Variants in STPG2 observed in about 807,000 individuals in gnomAD.
STPG2 encodes sperm-tail PG-rich repeat-containing protein 2.
In STPG2, 56 loss-of-function variants were observed where a neutral mutation model predicts 54.2. The ratio of observed to expected loss-of-function variants is 1.03; its 90% CI spans 0.83 to 1.29. The LOEUF is 1.29. Ranked by LOEUF, STPG2 falls within the 50% of genes most tolerant of loss-of-function variation. The pLI is 0.00. For missense variants in STPG2, 596 were observed against 544.9 expected (o/e 1.09, Z -0.93); for synonymous variants, 200 against 181.8 (o/e 1.10, Z -0.81).
intron 4 of STPG2, among the ~76,000 whole-genome samples, chr4:97,498,141 G>T (rs913236040): frequency 1.3e-5 from 2 of 151,896 alleles, no homozygotes; most frequent in Non-Finnish European, 2.9e-5. Flanking sequence ...TTTCAAGAAA[G>T]AAAAACATAG....
chr4:97,612,511 C>G (rs1187495347), intron 10 of STPG2, among the ~76,000 whole-genome samples: 2 of 152,094 alleles, frequency 1.3e-5, no homozygotes, highest in Admixed American at 1.3e-4. Context: ...TTGGTGTCCT[C>G]TCTCTTCAGC....
At chr4:97,956,108 A>C (rs1733661998) in intron 7 of STPG2, among the ~76,000 whole-genome samples, 1 of 152,154 alleles carries the variant, frequency 6.6e-6, no homozygotes, top group East Asian at 1.9e-4. Context: ...AAAAAACTTA[A>C]AATATGTAGA....
chr4:98,006,949 A>C (rs1455395979), intron 5 of STPG2, among the ~76,000 whole-genome samples: 1 of 152,098 alleles, frequency 6.6e-6, no homozygotes. Context: ...GTCCTCACCT[A>C]GGCTTATCTC....
At chr4:97,939,411 T>G (rs944648284) in intron 8 of STPG2, among the ~76,000 whole-genome samples, 4 of 152,172 alleles carry the variant, frequency 2.6e-5, no homozygotes, top group Non-Finnish European at 5.9e-5. Context: ...AGTGGGGTGT[T>G]GAAGTCTTAT....
intron 9 of STPG2, among the ~76,000 whole-genome samples, chr4:97,761,322 C>T (rs1725881878): frequency 6.6e-6 from 1 of 151,922 alleles, no homozygotes. Flanking sequence ...TAAAAGAAGA[C>T]ACAGAGAAAG....
At chr4:97,847,422 G>A (rs1296754217) in intron 8 of STPG2, among the ~76,000 whole-genome samples, 2 of 152,048 alleles carry the variant, frequency 1.3e-5, no homozygotes, top group African/African-American at 2.4e-5. Flanking sequence ...ATTGTAAGTA[G>A]TATGTAAAAA....
At chr4:98,139,632 T>C (rs1191500203) in intron 1 of STPG2, among the ~76,000 whole-genome samples, 1 of 150,526 alleles carries the variant, frequency 6.6e-6, no homozygotes, top group Non-Finnish European at 1.5e-5. Flanking sequence ...ACTAAAGAGA[T>C]ACCTGTTCCT....
intron 10 of STPG2, among the ~76,000 whole-genome samples, chr4:97,701,035 C>T (rs903706092): frequency 6.6e-6 from 1 of 152,168 alleles, no homozygotes. Context: ...GGAATCACCA[C>T]CCCTGCATCT....
chr4:97,706,388 T>C (rs1723942476), intron 10 of STPG2, among the ~76,000 whole-genome samples: 1 of 152,176 alleles, frequency 6.6e-6, no homozygotes, highest in Non-Finnish European at 1.5e-5. Context: ...AGAGCCCTCG[T>C]GAATGGAATT....
chr4:97,929,789 G>A (rs1578701692), intron 8 of STPG2, among the ~76,000 whole-genome samples: 1 of 152,082 alleles, frequency 6.6e-6, no homozygotes, highest in East Asian at 1.9e-4. Context: ...TTTGTCAGAC[G>A]GGTAGATTGC....
chr4:97,846,326 A>G (rs920683916), intron 8 of STPG2, among the ~76,000 whole-genome samples: 2 of 152,054 alleles, frequency 1.3e-5, no homozygotes, highest in South Asian at 2.1e-4. Flanking sequence ...CAGACTCTCA[A>G]TCAAAAAACC....
At chr4:97,586,872 G>A (rs914354162) in intron 10 of STPG2, among the ~76,000 whole-genome samples, 7 of 151,838 alleles carry the variant, frequency 4.6e-5, no homozygotes, top group Non-Finnish European at 8.8e-5. Context: ...TTGGAGCATC[G>A]GCAAGGAAGA....
intron 8 of STPG2, among the ~76,000 whole-genome samples, chr4:97,917,740 A>C (rs1265608427): frequency 6.6e-6 from 1 of 152,162 alleles, no homozygotes; most frequent in South Asian, 2.1e-4. Flanking sequence ...AGCACACTAA[A>C]ATAGGTGCAG....
At position 98,143,141 on chromosome 4, in the gene STPG2, G is replaced by A. The variant is rs199501880; in HGVS notation, c.10C>T (p.Arg4Trp). 1.2e-5 allele frequency: 19 copies of A among 1,613,064 alleles called. No homozygotes were observed. The highest frequency in any genetic ancestry group is 1.6e-5 in the Non-Finnish European group (19 of 1,179,492). ...GCCAATTTGAGCAGGCGGGGAGCCCGATCATACATAGTGCTCGGGGTGGTG... is the reference window on the plus strand; with the variant it reads ...GCCAATTTGAGCAGGCGGGGAGCCCAATCATACATAGTGCTCGGGGTGGTG... MYD[R>W]APRLLKLAEG... The change falls in exon 1 of 11, where the codon CGG (arginine) becomes TGG (tryptophan). Residue 4 changes from arginine (R) to tryptophan (W), a missense_variant. Physicochemically the swap from Arg to Trp is moderately radical, Grantham distance 101. Coordinates refer to ENST00000295268, the MANE Select transcript of STPG2 (RefSeq NM_174952.3).
intron 9 of STPG2, among the ~76,000 whole-genome samples, chr4:97,716,084 GA>G (rs1724278512): frequency 6.6e-6 from 1 of 152,032 alleles, no homozygotes; most frequent in African/African-American, 2.4e-5. Context: ...ACAAACATAT[GA>G]AAAAAAGCTC....
At chr4:97,872,745 C>T (rs1196749982) in intron 8 of STPG2, among the ~76,000 whole-genome samples, 1 of 151,106 alleles carries the variant, frequency 6.6e-6, no homozygotes, top group Admixed American at 6.6e-5. Context: ...CACATTTTGA[C>T]TCACAGATTC....
At chr4:97,687,401 G>A (rs1192219992) in intron 10 of STPG2, among the ~76,000 whole-genome samples, 1 of 151,284 alleles carries the variant, frequency 6.6e-6, no homozygotes, top group Non-Finnish European at 1.5e-5. Flanking sequence ...TCACCTCACT[G>A]CAACCTCGGC....
chr4:97,564,004 T>TC (rs1200465652), intron 10 of STPG2, among the ~76,000 whole-genome samples: 13 of 152,142 alleles, frequency 8.5e-5, no homozygotes, highest in African/African-American at 3.1e-4. Context: ...ACTTTCTGTC[T>TC]GTTGATCTGT....
intron 4 of STPG2, among the ~76,000 whole-genome samples, chr4:97,472,117 C>A (rs1156427369): frequency 6.6e-6 from 1 of 152,148 alleles, no homozygotes; most frequent in Non-Finnish European, 1.5e-5. Context: ...TTCTTAGTTT[C>A]TTCAGAGAAC....
Sources: allele counts gnomAD v4.1 joint callset (sites outside exome capture counted in the v4.1 genomes callset), GRCh38; gene constraint gnomAD v4.1.1; transcripts MANE v1.5; gene names NCBI Gene and HGNC (gene_info 2026-07-23, HGNC 2026-07-21).